Variants in RASA1 observed in about 807,000 individuals in gnomAD.
The protein encoded by RASA1 is ras GTPase-activating protein 1.
In RASA1, 25 loss-of-function variants were observed where a neutral mutation model predicts 132.2. The ratio of observed to expected loss-of-function variants is 0.19; its 90% confidence interval spans 0.14 to 0.26. RASA1 has a LOEUF of 0.26. Ranked by LOEUF, RASA1 falls within the 10% of genes least tolerant of loss-of-function variation. The pLI, the probability that RASA1 is intolerant of heterozygous loss-of-function variation, is 1.00. For missense variants in RASA1, 964 were observed against 1,299.2 expected (o/e 0.74, Z 3.97); for synonymous variants, 477 against 449.9 (o/e 1.06, Z -0.76).
intron 1 of RASA1, among the ~76,000 whole-genome samples, chr5:87,273,843 A>T (rs533628241): frequency 6.6e-6 from 1 of 151,830 alleles, no homozygotes; most frequent in African/African-American, 2.4e-5. Flanking sequence ...GGTTACAGGT[A>T]CACACCACCA....
In RASA1 at chr5:87,268,859, TCTGCCCCCTCCCCCTTAC is replaced by T; in HGVS notation, c.418_435del (p.Pro140_Pro145del). 6.2e-7 allele frequency: 1 copy of T among 1,614,048 alleles called. No individual in the cohort carries two copies. Among genetic ancestry groups the T allele is most frequent in the Non-Finnish European group, 8.5e-7 (1 of 1,180,002 alleles). Reference sequence around the variant, plus strand: ...TCGGGCCAGGCGGCGGTTTTCCCCCTCTGCCCCCTCCCCCTTACCTGCCCCCTTTGGGGGCGGGCCTCG... The same window carrying T: ...TCGGGCCAGGCGGCGGTTTTCCCCCTCTGCCCCCTTTGGGGGCGGGCCTCG... On this transcript the variant is annotated inframe_deletion, in exon 1 of 25. Transcript: ENST00000274376.
intron 8 of RASA1, 83 bp downstream of exon 8, chr5:87,349,447 A>G: frequency 6.8e-7 from 1 of 1,470,702 alleles, no homozygotes; most frequent in Non-Finnish European, 9.3e-7. Context: ...AGTCAAAATT[A>G]TATAAAAGTT....
At chr5:87,390,349 G>A (rs1398378556) in intron 24 of RASA1, among the ~76,000 whole-genome samples, 2 of 152,022 alleles carry the variant, frequency 1.3e-5, no homozygotes, top group Admixed American at 1.3e-4. Flanking sequence ...TTTGTAGAAG[G>A]GATTAAAGCA....
At chr5:87,360,130 T>TTG (rs1016345794) in intron 9 of RASA1, among the ~76,000 whole-genome samples, 5 of 151,652 alleles carry the variant, frequency 3.3e-5, no homozygotes, top group Non-Finnish European at 7.4e-5. Context: ...TGCAGTTTTT[T>TTG]TTTTTTTTTT....
Position 87,268,816 on chromosome 5 carries a change from C to G in RASA1, c.365C>G (p.Ser122Trp). 6.2e-7 allele frequency: 1 copy of G among 1,614,124 alleles called. No individual in the cohort carries two copies. The change falls in exon 1 of 25, where the codon TCG (serine) becomes TGG (tryptophan). Residue 122 changes from serine (S) to tryptophan (W), a missense_variant. Coordinates refer to ENST00000274376, the MANE Select transcript of RASA1 (RefSeq NM_002890.3). ...ATGGCTCTCACCAAACTGCCCACTT[C>G]GTTGCTTGCTGAGACTCTCGGGCCA... ...GDMALTKLPT[S>W]LLAETLGPGG...
At chr5:87,278,124 A>G (rs537630622) in intron 1 of RASA1, among the ~76,000 whole-genome samples, 30 of 152,314 alleles carry the variant, frequency 2.0e-4, no homozygotes, top group Admixed American at 1.3e-3. Flanking sequence ...CTGGGTTCAT[A>G]TTAGACACTT....
chr5:87,372,978 T>A (rs1441157729), intron 13 of RASA1, among the ~76,000 whole-genome samples: 1 of 152,212 alleles, frequency 6.6e-6, no homozygotes, highest in Admixed American at 6.5e-5. Flanking sequence ...CAGGGAAATT[T>A]AAGTATACAC....
intron 9 of RASA1, among the ~76,000 whole-genome samples, chr5:87,355,480 A>G (rs1278539763): frequency 6.6e-6 from 1 of 152,186 alleles, no homozygotes; most frequent in Non-Finnish European, 1.5e-5. Flanking sequence ...GTTGAAACCT[A>G]CTGCTCAGAA....
At chr5:87,298,567 T>TA (rs1259670296) in intron 1 of RASA1, among the ~76,000 whole-genome samples, 2 of 152,142 alleles carry the variant, frequency 1.3e-5, no homozygotes, top group Non-Finnish European at 2.9e-5. Flanking sequence ...AATGAGTAGT[T>TA]AGAGGGGATA....
At chr5:87,303,563 C>T (rs957367464) in intron 1 of RASA1, among the ~76,000 whole-genome samples, 9 of 152,042 alleles carry the variant, frequency 5.9e-5, no homozygotes, top group Non-Finnish European at 1.3e-4. Context: ...AGACATATTT[C>T]CACATAAATG....
intron 1 of RASA1, among the ~76,000 whole-genome samples, chr5:87,275,552 C>T (rs777052438): frequency 1.4e-4 from 21 of 151,904 alleles, no homozygotes; most frequent in Non-Finnish European, 2.9e-4. Flanking sequence ...CATGTCGTCT[C>T]TCCACTTGAA....
At chr5:87,385,439 C>T in intron 22 of RASA1, 50 bp downstream of exon 22, 2 of 1,343,524 alleles carry the variant, frequency 1.5e-6, no homozygotes, top group South Asian at 2.4e-5. Context: ...GCAAGTTTGA[C>T]ATGATAAAAC....
intron 5 of RASA1, among the ~76,000 whole-genome samples, chr5:87,340,135 T>C (rs992554149): frequency 1.3e-5 from 2 of 152,158 alleles, no homozygotes; most frequent in Non-Finnish European, 2.9e-5. Context: ...AATGTTTCTA[T>C]GTTTATAGTT....
intron 1 of RASA1, among the ~76,000 whole-genome samples, chr5:87,288,496 G>C (rs1391930138): frequency 6.6e-6 from 1 of 152,126 alleles, no homozygotes; most frequent in Admixed American, 6.5e-5. Context: ...GACAGTACCT[G>C]CTTGGTAATA....
Position 87,361,628 on chromosome 5 carries a change from C to T in RASA1, c.1333-923C>T, listed in dbSNP as rs1046440089. Among the ~76,000 whole-genome samples, 4 of 152,050 alleles carry T rather than the reference C, an allele frequency of 2.6e-5. No individual in the cohort carries two copies. The East Asian group carries it at 7.7e-4, about 29-fold the overall frequency. On this transcript the variant is annotated intron_variant, in intron 9 of 24. Coordinates refer to ENST00000274376, the MANE Select transcript of RASA1 (RefSeq NM_002890.3). ...CTGGAAAGATCATGATAAAGGCATC[C>T]TGATATAATTCTTTTCCTCAGGAGA...
chr5:87,281,357 C>T (rs1171058487), intron 1 of RASA1, among the ~76,000 whole-genome samples: 1 of 151,202 alleles, frequency 6.6e-6, no homozygotes, highest in Non-Finnish European at 1.5e-5. Flanking sequence ...TTACTGCAAT[C>T]TCCGCCTCCT....
chr5:87,387,252 G>A (rs1762124375), intron 23 of RASA1, among the ~76,000 whole-genome samples: 1 of 152,026 alleles, frequency 6.6e-6, no homozygotes, highest in Non-Finnish European at 1.5e-5. Flanking sequence ...CTGCTACTAT[G>A]TGGGGCGTGA....
At chr5:87,307,544 A>T (rs1243697570) in intron 1 of RASA1, among the ~76,000 whole-genome samples, 1 of 152,194 alleles carries the variant, frequency 6.6e-6, no homozygotes, top group African/African-American at 2.4e-5. Context: ...TAATTTTACA[A>T]ATTTGATTAC....
At chr5:87,318,803 T>C (rs1756545765) in intron 1 of RASA1, 1 of 152,192 alleles carries the variant, frequency 6.6e-6, no homozygotes, top group South Asian at 2.1e-4. Flanking sequence ...AATCATGCCT[T>C]CCCAACAGTC....
Sources: allele counts gnomAD v4.1 joint callset (sites outside exome capture counted in the v4.1 genomes callset), GRCh38; gene constraint gnomAD v4.1.1; transcripts MANE v1.5; gene names NCBI Gene and HGNC (gene_info 2026-07-23, HGNC 2026-07-21).